Variants in LMAN1 observed in about 807,000 individuals in gnomAD.
The protein encoded by LMAN1 is protein ERGIC-53.
A neutral mutation model predicts 67.8 loss-of-function variants in LMAN1; 32 were observed. That is an observed-to-expected ratio of 0.47 (90% confidence interval 0.36 to 0.63). The LOEUF is 0.63. Ranked by LOEUF, LMAN1 falls within the 30% of genes least tolerant of loss-of-function variation. The pLI is 0.00. For synonymous variants in LMAN1, 235 were observed against 219.3 expected, an observed-to-expected ratio of 1.07 and a Z score of -0.63; for missense variants, 632 against 628.2, an observed-to-expected ratio of 1.01 and a Z score of -0.06.
chr18:59,355,199 G>T, intron 3 of LMAN1, 114 bp downstream of exon 3: 1 of 782,312 alleles, frequency 1.3e-6, no homozygotes, highest in Non-Finnish European at 2.2e-6. Flanking sequence ...CATATAGCTT[G>T]GGGAGTTCTG....
At chr18:59,336,314 T>C (rs1274947990) in intron 10 of LMAN1, among the ~76,000 whole-genome samples, 6 of 152,068 alleles carry the variant, frequency 3.9e-5, no homozygotes, top group Non-Finnish European at 7.4e-5. Flanking sequence ...CCCTAGAAGA[T>C]AGAGCAGTAC....
In LMAN1 at chr18:59,342,023, A is replaced by G. The variant is rs1169788723; in HGVS notation, c.956-3070T>C. Among the ~76,000 whole-genome samples, 41 of 152,114 alleles carry G rather than the reference A, an allele frequency of 2.7e-4. 1 individual carries two copies. The highest frequency in any genetic ancestry group is 2.7e-3 in the Admixed American group (41 of 15,274). ...TTACAACAGATTCCACAAATACACA[A>G]AAGATCGTCAGAAACTATTTGAACA... On this transcript the variant is annotated intron_variant, in intron 8 of 12. Coordinates refer to ENST00000251047, the MANE Select transcript of LMAN1 (RefSeq NM_005570.4).
chr18:59,339,150 T>C (rs535080771), intron 8 of LMAN1, among the ~76,000 whole-genome samples, 197 bp from the exon 9 acceptor site: 3 of 152,334 alleles, frequency 2.0e-5, no homozygotes, highest in Non-Finnish European at 4.4e-5. Context: ...TTTCAGGTGA[T>C]TGAACACTTA....
intron 10 of LMAN1, among the ~76,000 whole-genome samples, chr18:59,334,077 TAAACTC>T (rs1908088962): frequency 1.3e-5 from 2 of 152,318 alleles, no homozygotes; most frequent in South Asian, 4.1e-4. Context: ...CTTTTCCACT[TAAACTC>T]AAATTAAGCA....
chr18:59,347,698 G>A, intron 6 of LMAN1, 127 bp from the exon 7 acceptor site: 1 of 722,890 alleles, frequency 1.4e-6, no homozygotes, highest in South Asian at 1.8e-5. Context: ...ACAAAAATTA[G>A]CACTAATTTG....
chr18:59,338,598 C>A lies in LMAN1; in HGVS notation c.1179G>T (p.Val393=). ...QITQQELDTV[V]KTQHEILRQV... ...GTCTCAGAATCTCATGCTGAGTTTT[C>A]ACAACAGTATCCAGTTCTTGTTGAG... Residue 393 remains valine (V), a synonymous_variant, in exon 10 of 13, where the codon GTG becomes GTT. Transcript: ENST00000251047. 6.2e-7 allele frequency: 1 copy of A among 1,613,876 alleles called. No individual in the cohort carries two copies. Among genetic ancestry groups the A allele is most frequent in the Non-Finnish European group, 8.5e-7 (1 of 1,179,830 alleles).
chr18:59,349,262 C>G, intron 5 of LMAN1, 26 bp from the exon 6 acceptor site: 1 of 1,601,546 alleles, frequency 6.2e-7, no homozygotes. Context: ...ATAGCTATAG[C>G]TTTTGCAAAA....
chr18:59,358,884 G>C (rs937784522), intron 1 of LMAN1, 147 bp downstream of exon 1: 1 of 792,948 alleles, frequency 1.3e-6, no homozygotes, highest in Non-Finnish European at 2.1e-6. Context: ...CGGCGGAGGG[G>C]CTGCCAGGAG....
intron 7 of LMAN1, among the ~76,000 whole-genome samples, 158 bp from the exon 8 acceptor site, chr18:59,346,209 C>A (rs889545731): frequency 1.6e-5 from 1 of 61,608 alleles, no homozygotes; most frequent in South Asian, 7.3e-4. Context: ...GCAAATTACT[C>A]TTTTTTTTTT....
chr18:59,358,725 G>A (rs1908720286), intron 1 of LMAN1, among the ~76,000 whole-genome samples: 1 of 152,122 alleles, frequency 6.6e-6, no homozygotes, highest in Non-Finnish European at 1.5e-5. Flanking sequence ...GTGCTAGGAA[G>A]TGTAGGAGGT....
chr18:59,340,550 C>G (rs991155814), intron 8 of LMAN1, among the ~76,000 whole-genome samples: 73 of 151,586 alleles, frequency 4.8e-4, no homozygotes, highest in Non-Finnish European at 1.9e-4. Flanking sequence ...ATCAGCTTCA[C>G]AAATGAAGAA....
intron 5 of LMAN1, among the ~76,000 whole-genome samples, chr18:59,349,811 G>A (rs1391420013): frequency 6.6e-6 from 1 of 152,166 alleles, no homozygotes; most frequent in Non-Finnish European, 1.5e-5. Context: ...TTGAAGGAAT[G>A]ATCCTAAATT....
chr18:59,335,753 G>C (rs1461343797), intron 10 of LMAN1, among the ~76,000 whole-genome samples: 4 of 151,998 alleles, frequency 2.6e-5, no homozygotes. Context: ...GAAAAGAGTA[G>C]GGAAAAAGAG....
Position 59,332,979 on chromosome 18 carries a change from A to T in LMAN1, c.1374+112T>A, listed in dbSNP as rs41429345. The T allele has an allele frequency of 6.4e-4, 564 of 874,792 alleles. 1 individual carries two copies. In the African/African-American group the frequency reaches 6.6e-3, roughly 10 times the overall value. 54.2% of individuals were successfully genotyped at this position (874,792 alleles called of 1,614,324 possible). A position where few individuals can be genotyped will look rare whatever the true frequency, so the allele number is the denominator to read the frequency against. On this transcript the variant is annotated intron_variant, in intron 11 of 12. Transcript: ENST00000251047. ...AATAAATGGGACAATTCTACCTTAA[A>T]CATTAAAAATAAGCATTAGCATTAA... is the stretch of plus-strand genomic sequence containing the variant.
In LMAN1 at chr18:59,330,783, TA is replaced by T. The variant is rs2070742790; in HGVS notation, c.*309del. The stretch of plus-strand genomic sequence containing the variant: ...AGGGAAACCTGCAATATTGGAGACT[TA>T]GGGGGTAACATTCATATCCAGGGGT... On this transcript the variant is annotated 3_prime_UTR_variant, in exon 13 of 13. Coordinates refer to ENST00000251047, the MANE Select transcript of LMAN1 (RefSeq NM_005570.4). The T allele has an allele frequency of 3.0e-6, 1 of 331,574 alleles. No individual in the cohort carries two copies. Among genetic ancestry groups the T allele is most frequent in the Admixed American group, 4.5e-5 (1 of 22,016 alleles). The allele number at this position is 331,574 out of a possible 1,614,324, so 20.5% of individuals were successfully genotyped here.
At chr18:59,350,490 TTTTA>T (rs953463734) in intron 5 of LMAN1, among the ~76,000 whole-genome samples, 2 of 152,074 alleles carry the variant, frequency 1.3e-5, no homozygotes, top group African/African-American at 4.8e-5. Context: ...TTCCAATTAT[TTTTA>T]TTTATTTATT....
chr18:59,332,169 T>C (rs924428616), intron 11 of LMAN1, among the ~76,000 whole-genome samples: 10 of 152,132 alleles, frequency 6.6e-5, no homozygotes, highest in Admixed American at 5.2e-4. Context: ...GTTCCCAATA[T>C]AGTTATATTT....
Position 59,359,191 on chromosome 18 carries a change from G to A in LMAN1, c.54C>T (p.Cys18=), listed in dbSNP as rs763392295. 1 of 1,614,050 alleles carries A rather than the reference G, an allele frequency of 6.2e-7. No homozygotes were observed. The highest frequency in any genetic ancestry group is 8.5e-7 in the Non-Finnish European group (1 of 1,179,942). The part of the protein sequence containing the change: ...GLRARVRPLF[C]ALLLSLGRFV... Reference sequence around the variant, plus strand: ...AGCGACCGAGTGACAGCAGCAAGGCGCAGAACAGCGGCCGAACTCTGGCCC... The same window carrying A: ...AGCGACCGAGTGACAGCAGCAAGGCACAGAACAGCGGCCGAACTCTGGCCC... The change falls in exon 1 of 13, where the codon TGC becomes TGT. Residue 18 remains cysteine, a synonymous_variant. Transcript: ENST00000251047.
At chr18:59,348,555 C>G (rs1349853426) in intron 6 of LMAN1, among the ~76,000 whole-genome samples, 1 of 152,214 alleles carries the variant, frequency 6.6e-6, no homozygotes, top group Non-Finnish European at 1.5e-5. Context: ...ATATTTAAAA[C>G]TACAATGTGT....
Sources: allele counts gnomAD v4.1 joint callset (sites outside exome capture counted in the v4.1 genomes callset), GRCh38; gene constraint gnomAD v4.1.1; transcripts MANE v1.5; gene names NCBI Gene and HGNC (gene_info 2026-07-23, HGNC 2026-07-21).